The following TRPM6 variants were observed in gnomAD, a reference collection of about 807,000 sequenced individuals.
TRPM6 encodes the protein transient receptor potential cation channel subfamily M member 6.
Under a neutral mutation model 247.6 loss-of-function variants are expected in TRPM6, and 111 were observed. The observed-to-expected ratio is 0.45, with a 90% confidence interval of 0.38 to 0.52. The LOEUF (loss-of-function observed/expected upper bound fraction) is 0.52, where lower values mean the gene tolerates loss of function less well. TRPM6 is among the 20% of genes least tolerant of loss of function. The pLI is 0.00. For synonymous variants in TRPM6, 892 were observed against 853.8 expected (o/e 1.04, Z -0.78); for missense variants, 2,126 against 2,421.5 (o/e 0.88, Z 2.56).
chr9:74,870,263 T>C (rs1188904619), intron 1 of TRPM6, among the ~76,000 whole-genome samples: 2 of 152,194 alleles, frequency 1.3e-5, no homozygotes, highest in Non-Finnish European at 2.9e-5. Flanking sequence ...CCATGGGGAA[T>C]ATAATATTCC....
chr9:74,751,507 G>A (rs765754310), intron 29 of TRPM6, among the ~76,000 whole-genome samples: 6 of 152,130 alleles, frequency 3.9e-5, no homozygotes, highest in Non-Finnish European at 5.9e-5. Context: ...AATATCTGAG[G>A]TTGTTAGCCA....
intron 3 of TRPM6, among the ~76,000 whole-genome samples, chr9:74,853,664 C>T (rs1460792747): frequency 1.3e-5 from 2 of 151,970 alleles, no homozygotes; most frequent in South Asian, 2.1e-4. Context: ...AGGCAGCATG[C>T]TCGTTAAGAG....
At chr9:74,782,637 T>G (rs1313143533) in intron 22 of TRPM6, 42 bp downstream of exon 22, 1 of 1,605,396 alleles carries the variant, frequency 6.2e-7, no homozygotes, top group Non-Finnish European at 8.5e-7. Flanking sequence ...TTGTTAACTA[T>G]GAAGGCACAA....
chr9:74,744,944 G>A (rs982064137), intron 31 of TRPM6, among the ~76,000 whole-genome samples: 4 of 152,134 alleles, frequency 2.6e-5, no homozygotes, highest in African/African-American at 7.2e-5. Context: ...TTGGCAAAAA[G>A]TAAGATCAGC....
chr9:74,800,908 T>TTG (rs1554708845), intron 16 of TRPM6, among the ~76,000 whole-genome samples: 1 of 151,050 alleles, frequency 6.6e-6, no homozygotes, highest in African/African-American at 2.4e-5. Context: ...AAGTGTGTTT[T>TTG]TTTTTTTTTT....
chr9:74,803,749 G>T lies in TRPM6; in HGVS notation c.1731+45C>A, dbSNP rs920649579. The T allele has an allele frequency of 8.7e-6, 12 of 1,371,456 alleles. No homozygotes were observed. In the African/African-American group the frequency reaches 1.0e-4, roughly 11 times the overall value. The allele number at this position is 1,371,456 out of a possible 1,614,324, so 85.0% of individuals were successfully genotyped here. On this transcript the variant is annotated intron_variant, in intron 15 of 38. Transcript: ENST00000360774. ...GTAAATGAAGAAACAGTCTCGAGCT[G>T]CAAAAAACATTTTCCTTTCAAGTTG... is the stretch of plus-strand genomic sequence containing the variant.
intron 3 of TRPM6, among the ~76,000 whole-genome samples, chr9:74,854,618 T>C (rs1335980428): frequency 6.6e-6 from 1 of 152,184 alleles, no homozygotes; most frequent in African/African-American, 2.4e-5. Flanking sequence ...GGATGCTGGT[T>C]TCCTCTCCCC....
At chr9:74,725,529 G>T (rs978128431) in intron 38 of TRPM6, among the ~76,000 whole-genome samples, 1 of 152,092 alleles carries the variant, frequency 6.6e-6, no homozygotes, top group Non-Finnish European at 1.5e-5. Context: ...CAATTCCCAC[G>T]TGTCATGGGG....
intron 14 of TRPM6, among the ~76,000 whole-genome samples, chr9:74,806,051 T>C (rs898914277): frequency 9.2e-5 from 14 of 152,186 alleles, no homozygotes; most frequent in Non-Finnish European, 1.8e-4. Context: ...TTTTCCTAAG[T>C]ACATTTCATT....
chr9:74,808,084 T>C lies in TRPM6; in HGVS notation c.1588A>G (p.Thr530Ala), dbSNP rs748051508. The stretch of plus-strand genomic sequence containing the variant: ...TAGAGGGCTCTGAAATGTTTTCTAG[T>C]GTAGTTGCTGCGATATGCTCTACCA... Reference protein sequence around the residue: ...LIGRAYRSNYTRKHFRALYNN... With the variant: ...LIGRAYRSNYARKHFRALYNN... Residue 530 changes from threonine (T) to alanine (A), a missense_variant, in exon 14 of 39, where the codon ACT (threonine) becomes GCT (alanine). Physicochemically the swap from Thr to Ala is moderately conservative, Grantham distance 58 (BLOSUM62 0). Transcript: ENST00000360774. 14 of 1,614,006 alleles carry C rather than the reference T, an allele frequency of 8.7e-6. No homozygotes were observed. The highest frequency in any genetic ancestry group is 1.2e-5 in the Non-Finnish European group (14 of 1,179,940).
At position 74,724,771 on chromosome 9, in the gene TRPM6, T is replaced by C. The variant is rs1221533454; in HGVS notation, c.5936-25A>G. 5 of 1,613,748 alleles carry C rather than the reference T, an allele frequency of 3.1e-6. No homozygotes were observed. The African/African-American group carries it at 6.7e-5, about 22-fold the overall frequency. ...TCTGCAAGGAGGACAAGTAAAAAGG[T>C]TATAGTGGAACCCCAAGAACCTACT... is the stretch of plus-strand genomic sequence containing the variant. On this transcript the variant is annotated intron_variant, in intron 38 of 38. Coordinates refer to ENST00000360774, the MANE Select transcript of TRPM6 (RefSeq NM_017662.5).
chr9:74,814,166 G>A (rs1178200937), intron 11 of TRPM6, among the ~76,000 whole-genome samples: 1 of 152,136 alleles, frequency 6.6e-6, no homozygotes, highest in African/African-American at 2.4e-5. Context: ...CAGGGAGCAA[G>A]TTTGCTGTCA....
chr9:74,758,707 C>T (rs1826521343), intron 27 of TRPM6, among the ~76,000 whole-genome samples: 1 of 152,094 alleles, frequency 6.6e-6, no homozygotes, highest in African/African-American at 2.4e-5. Context: ...AAATGCTTTT[C>T]CCCTAAGAAC....
intron 7 of TRPM6, among the ~76,000 whole-genome samples, chr9:74,822,354 A>C (rs1829158847): frequency 1.3e-5 from 2 of 151,792 alleles, no homozygotes; most frequent in Admixed American, 6.6e-5. Context: ...GGCTCACGCA[A>C]TCCTCCTGTC....
intron 14 of TRPM6, chr9:74,804,479 G>C: frequency 1.5e-6 from 1 of 665,754 alleles, no homozygotes; most frequent in Non-Finnish European, 2.7e-6. Context: ...CCATAAGCTT[G>C]CCTGATCTCT....
At chr9:74,803,749 G>A (rs920649579) in intron 15 of TRPM6, 45 bp downstream of exon 15, 3 of 1,371,462 alleles carry the variant, frequency 2.2e-6, no homozygotes, top group Non-Finnish European at 2.1e-6. Context: ...GTCTCGAGCT[G>A]CAAAAAACAT....
intron 3 of TRPM6, among the ~76,000 whole-genome samples, chr9:74,855,172 A>C (rs1349417755): frequency 6.6e-6 from 1 of 152,258 alleles, no homozygotes; most frequent in Non-Finnish European, 1.5e-5. Flanking sequence ...CCATAAGCTT[A>C]GTATGCATAC....
intron 21 of TRPM6, among the ~76,000 whole-genome samples, chr9:74,784,859 C>T (rs1295229118): frequency 6.6e-6 from 1 of 152,204 alleles, no homozygotes; most frequent in East Asian, 1.9e-4. Context: ...TGCCTGTAAT[C>T]CCAGCATTTT....
rs1457576864 is a variant in TRPM6, at chr9:74,837,471, G to A, written c.544+2553C>T. On this transcript the variant is annotated intron_variant, in intron 5 of 38. Coordinates refer to ENST00000360774, the MANE Select transcript of TRPM6 (RefSeq NM_017662.5). The stretch of plus-strand genomic sequence containing the variant: ...TTGTTTTCTTTTTTTTTTTTGAGAC[G>A]GAGTCTCGCTCGTCGCCCAGGCTGG... 2.3e-4 allele frequency among the ~76,000 whole-genome samples: 35 copies of A among 151,430 alleles called. 1 individual carries two copies. The highest frequency in any genetic ancestry group is 7.0e-4 in the African/African-American group (29 of 41,316).
Sources: allele counts gnomAD v4.1 joint callset (sites outside exome capture counted in the v4.1 genomes callset), GRCh38; gene constraint gnomAD v4.1.1; transcripts MANE v1.5; gene names NCBI Gene and HGNC (gene_info 2026-07-23, HGNC 2026-07-21).